EXOC4: variants seen among roughly 807,000 people sequenced by gnomAD.
EXOC4 encodes exocyst complex component 4.
A neutral mutation model predicts 107.2 loss-of-function variants in EXOC4; 71 were observed. The observed-to-expected ratio is 0.66, with a 90% CI of 0.55 to 0.81. The LOEUF is 0.81. Among genes scored for constraint, EXOC4 ranks in the 30% least tolerant of loss-of-function variants. EXOC4 has a pLI of 0.00. For missense variants in EXOC4, 1,108 were observed against 1,189.6 expected, an observed-to-expected ratio of 0.93 and a Z score of 1.01; for synonymous variants, 456 against 441.2, an observed-to-expected ratio of 1.03 and a Z score of -0.42.
chr7:133,840,420 G>T (rs1049970173), intron 11 of EXOC4, among the ~76,000 whole-genome samples: 8 of 152,216 alleles, frequency 5.3e-5, no homozygotes, highest in African/African-American at 1.9e-4. Flanking sequence ...CCTCAGATAG[G>T]AAGGGAGAAG....
At position 133,830,852 on chromosome 7, in the gene EXOC4, C is replaced by G. The variant is rs114367444; in HGVS notation, c.1734+13308C>G. On this transcript the variant is annotated intron_variant, in intron 11 of 17. Transcript: ENST00000253861. The stretch of plus-strand genomic sequence containing the variant: ...GTGTGTGTATTTTTTAAACTTAATG[C>G]CCTCTTGCTGTTCGGGATACCACAA... Among the ~76,000 whole-genome samples the G allele has an allele frequency of 2.4e-3, 365 of 152,240 alleles. 5 individuals are homozygous for G. The highest frequency in any genetic ancestry group is 8.2e-3 in the African/African-American group (341 of 41,548).
At chr7:133,370,523 G>C (rs543143594) in intron 6 of EXOC4, among the ~76,000 whole-genome samples, 1 of 152,132 alleles carries the variant, frequency 6.6e-6, no homozygotes, top group African/African-American at 2.4e-5. Context: ...AGTGACCAGA[G>C]GGATGACGTT....
chr7:133,300,431 A>G (rs181029589), intron 3 of EXOC4, among the ~76,000 whole-genome samples: 70 of 152,276 alleles, frequency 4.6e-4, no homozygotes, highest in Admixed American at 9.2e-4. Flanking sequence ...AGTCCCTGAA[A>G]TCTTCACAAT....
At chr7:133,778,301 T>G (rs989202555) in intron 10 of EXOC4, among the ~76,000 whole-genome samples, 1 of 152,226 alleles carries the variant, frequency 6.6e-6, no homozygotes, top group Admixed American at 6.5e-5. Flanking sequence ...TTATCTCATT[T>G]AAGACTTCTC....
intron 17 of EXOC4, among the ~76,000 whole-genome samples, chr7:134,043,315 C>A (rs557990934): frequency 6.6e-6 from 1 of 152,236 alleles, no homozygotes; most frequent in African/African-American, 2.4e-5. Context: ...TAATGACACC[C>A]TGGCTGCATT....
At chr7:133,945,391 T>C (rs1171386366) in intron 14 of EXOC4, among the ~76,000 whole-genome samples, 1 of 152,236 alleles carries the variant, frequency 6.6e-6, no homozygotes, top group Non-Finnish European at 1.5e-5. Context: ...AGTTCTTCTA[T>C]CCTCTGGAGC....
intron 10 of EXOC4, among the ~76,000 whole-genome samples, chr7:133,657,332 G>A (rs970134946): frequency 6.6e-6 from 1 of 152,014 alleles, no homozygotes; most frequent in East Asian, 1.9e-4. Flanking sequence ...TTTTACTTCC[G>A]AGCATTTTTT....
chr7:133,715,275 G>A (rs1794976674), intron 10 of EXOC4, among the ~76,000 whole-genome samples: 1 of 152,200 alleles, frequency 6.6e-6, no homozygotes, highest in South Asian at 2.1e-4. Flanking sequence ...AGCCTCCTGA[G>A]TAGCTGGGAC....
At chr7:133,265,015 A>G (rs1353361213) in intron 1 of EXOC4, among the ~76,000 whole-genome samples, 1 of 152,200 alleles carries the variant, frequency 6.6e-6, no homozygotes, top group Non-Finnish European at 1.5e-5. Context: ...AATAGATATA[A>G]TAACTTAATC....
At chr7:133,559,105 C>T (rs1030597253) in intron 9 of EXOC4, among the ~76,000 whole-genome samples, 2 of 152,100 alleles carry the variant, frequency 1.3e-5, no homozygotes, top group African/African-American at 2.4e-5. Context: ...TCCAAATTAC[C>T]TGTTCTTATC....
In EXOC4 at chr7:133,358,345, G is replaced by A. The variant is rs566021715; in HGVS notation, c.1007+1772G>A. ...TCTTACAGTGTTGCTTGCTTTAGAT[G>A]AGGTTATATGGTTGTGGTGCTTAGT... On this transcript the variant is annotated intron_variant, in intron 6 of 17. Transcript: ENST00000253861. Among the ~76,000 whole-genome samples, 3 of 152,288 alleles carry A rather than the reference G, an allele frequency of 2.0e-5. No individual in the cohort carries two copies. The South Asian group carries it at 6.2e-4, about 32-fold the overall frequency.
At chr7:133,583,040 T>C (rs903499279) in intron 9 of EXOC4, among the ~76,000 whole-genome samples, 1 of 152,258 alleles carries the variant, frequency 6.6e-6, no homozygotes, top group African/African-American at 2.4e-5. Context: ...TAAAGTATAC[T>C]ATTTAGTGGT....
chr7:133,459,793 GAAA>G (rs1331856535), intron 7 of EXOC4, among the ~76,000 whole-genome samples: 1 of 152,022 alleles, frequency 6.6e-6, no homozygotes, highest in African/African-American at 2.4e-5. Flanking sequence ...GGAATGATGA[GAAA>G]AATAATGAAA....
At position 133,527,716 on chromosome 7, in the gene EXOC4, TA is replaced by T. The variant is rs1459879927; in HGVS notation, c.1417+47585del. 3.3e-5 allele frequency among the ~76,000 whole-genome samples: 5 copies of T among 152,138 alleles called. No individual in the cohort carries two copies. The East Asian group carries it at 5.8e-4, about 18-fold the overall frequency. Reference sequence around the variant, plus strand: ...GATGCATAGAAAATGTGAATTACATTAAAAAAATGGCTGTAGTTGAAAGAGT... The same window carrying T: ...GATGCATAGAAAATGTGAATTACATTAAAAAATGGCTGTAGTTGAAAGAGT... On this transcript the variant is annotated intron_variant, in intron 9 of 17. Coordinates refer to ENST00000253861, the MANE Select transcript of EXOC4 (RefSeq NM_021807.4).
chr7:133,688,625 G>A (rs1206257491), intron 10 of EXOC4, among the ~76,000 whole-genome samples: 3 of 152,038 alleles, frequency 2.0e-5, no homozygotes, highest in Non-Finnish European at 4.4e-5. Context: ...TTCAGTATTG[G>A]CAAAAAATGT....
intron 9 of EXOC4, among the ~76,000 whole-genome samples, chr7:133,607,224 A>G (rs1801969809): frequency 1.3e-5 from 2 of 152,200 alleles, no homozygotes; most frequent in South Asian, 2.1e-4. Context: ...TGAATTTTAA[A>G]TGGTTTGTAT....
chr7:133,663,612 A>G (rs1036106340), intron 10 of EXOC4, among the ~76,000 whole-genome samples: 2 of 152,152 alleles, frequency 1.3e-5, no homozygotes, highest in Admixed American at 1.3e-4. Flanking sequence ...CCAGTTGCCC[A>G]GACCAGAATC....
At chr7:133,661,672 T>TAA (rs1177627198) in intron 10 of EXOC4, among the ~76,000 whole-genome samples, 365 of 13,108 alleles carry the variant, frequency 0.028, 8 homozygotes, top group East Asian at 0.041. Flanking sequence ...TCCTTAAAAC[T>TAA]AAAAAAAAAA....
At chr7:133,559,282 TTTTTC>T (rs1270346103) in intron 9 of EXOC4, among the ~76,000 whole-genome samples, 2 of 152,152 alleles carry the variant, frequency 1.3e-5, no homozygotes, top group African/African-American at 4.8e-5. Flanking sequence ...CGTGAATTCT[TTTTTC>T]TTTATAGCTT....
Sources: allele counts gnomAD v4.1 joint callset (sites outside exome capture counted in the v4.1 genomes callset), GRCh38; gene constraint gnomAD v4.1.1; transcripts MANE v1.5; gene names NCBI Gene and HGNC (gene_info 2026-07-23, HGNC 2026-07-21).